The following VPS37A variants were observed in gnomAD, a reference collection of about 807,000 sequenced individuals.
The protein encoded by VPS37A is vacuolar protein sorting-associated protein 37A.
In VPS37A, 30 loss-of-function variants were observed where a neutral mutation model predicts 49.8. That is an observed-to-expected ratio of 0.60 (90% confidence interval 0.45 to 0.82). VPS37A has a LOEUF of 0.82. Ranked by LOEUF, VPS37A falls within the 40% of genes least tolerant of loss-of-function variation. The probability of loss-of-function intolerance (pLI) is 0.00; values close to 1 mark genes in which losing one functional copy is unlikely to be tolerated. For missense variants in VPS37A, 593 were observed against 464.4 expected (o/e 1.28, Z -2.55); for synonymous variants, 195 against 160.6 (o/e 1.21, Z -1.62).
chr8:17,259,506 T>C (rs1812782877), intron 1 of VPS37A, among the ~76,000 whole-genome samples: 1 of 152,162 alleles, frequency 6.6e-6, no homozygotes, highest in Non-Finnish European at 1.5e-5. Flanking sequence ...TGTTCTGTTC[T>C]GGAGAATGTT....
chr8:17,323,109 A>G, the VPS37A span, among the ~76,000 whole-genome samples: 4 of 151,710 alleles, frequency 2.6e-5, no homozygotes, highest in South Asian at 4.2e-4. Flanking sequence ...CACCACGCCC[A>G]GCTAATTTTT....
At chr8:17,281,490 A>C (rs545287555) in intron 9 of VPS37A, among the ~76,000 whole-genome samples, 4 of 152,138 alleles carry the variant, frequency 2.6e-5, no homozygotes, top group African/African-American at 9.6e-5. Flanking sequence ...GTAAACTAAA[A>C]ATAGAAATTT....
downstream of VPS37A, chr8:17,300,285 T>A: frequency 6.7e-7 from 1 of 1,499,436 alleles, no homozygotes; most frequent in South Asian, 1.3e-5. Context: ...TTTCTATATA[T>A]GCATGTCTTT....
chr8:17,286,088 G>C (rs1815559066), intron 10 of VPS37A, among the ~76,000 whole-genome samples: 1 of 152,132 alleles, frequency 6.6e-6, no homozygotes, highest in African/African-American at 2.4e-5. Context: ...CTAAAACAGG[G>C]ACTGGGGTGC....
At chr8:17,309,452 G>A in the VPS37A span, 1 of 688,590 alleles carries the variant, frequency 1.5e-6, no homozygotes, top group Non-Finnish European at 2.6e-6. Context: ...ACCTGCAAAT[G>A]CATGAACAGG....
At chr8:17,313,366 G>A in the VPS37A span, 1 of 1,612,488 alleles carries the variant, frequency 6.2e-7, no homozygotes, top group Admixed American at 1.7e-5. Flanking sequence ...AGACCCCACA[G>A]GAAATCACTC....
chr8:17,247,223 C>T lies in VPS37A; in HGVS notation c.-22C>T. ...AGCAGGCCAGAGCCTTCCAGGGCCT[C>T]CGGCCCGTGGACCCGAGGAGGATGA... On this transcript the variant is annotated 5_prime_UTR_variant, in exon 1 of 12. Coordinates refer to ENST00000324849, the MANE Select transcript of VPS37A (RefSeq NM_152415.3). The T allele has an allele frequency of 1.3e-6, 2 of 1,563,820 alleles. No individual in the cohort carries two copies. Among genetic ancestry groups the T allele is most frequent in the Non-Finnish European group, 8.7e-7 (1 of 1,154,050 alleles).
At position 17,250,559 on chromosome 8, in the gene VPS37A, T is replaced by A. The variant is rs1240826462; in HGVS notation, c.125+3190T>A. ...TGTAAGCTCAATAGGTGAATATCTTTTTTTGGCCATGAAAGTATCTTTTCT... is the reference window on the plus strand; with the variant it reads ...TGTAAGCTCAATAGGTGAATATCTTATTTTGGCCATGAAAGTATCTTTTCT... On this transcript the variant is annotated intron_variant, in intron 1 of 11. Coordinates refer to ENST00000324849, the MANE Select transcript of VPS37A (RefSeq NM_152415.3). 4.6e-5 allele frequency among the ~76,000 whole-genome samples: 7 copies of A among 152,314 alleles called. No individual in the cohort carries two copies. In the East Asian group the frequency reaches 1.2e-3, roughly 25 times the overall value.
chr8:17,305,898 T>C, downstream of VPS37A: 1 of 1,613,762 alleles, frequency 6.2e-7, no homozygotes, highest in Non-Finnish European at 8.5e-7. Context: ...CCAAACACAC[T>C]CAATGAACTG....
At chr8:17,314,665 G>A in the VPS37A span, among the ~76,000 whole-genome samples, 1 of 152,194 alleles carries the variant, frequency 6.6e-6, no homozygotes, top group Non-Finnish European at 1.5e-5. Flanking sequence ...TGACAACAGT[G>A]TTGAAGGAAA....
At chr8:17,311,775 C>T in the VPS37A span, 2 of 1,338,752 alleles carry the variant, frequency 1.5e-6, no homozygotes, top group South Asian at 1.3e-5. Context: ...CTGTTTAGGG[C>T]CCCCCCTAAT....
intron 10 of VPS37A, among the ~76,000 whole-genome samples, chr8:17,285,816 T>C (rs7840160): frequency 0.55 from 84,126 of 152,088 alleles, 26,039 homozygotes; most frequent in African/African-American, 0.83. Context: ...TTTTTAAACA[T>C]AGATATTTAA....
At position 17,268,211 on chromosome 8, in the gene VPS37A, C is replaced by G. The variant is rs753872508; in HGVS notation, c.201-47C>G. On this transcript the variant is annotated intron_variant, in intron 2 of 11. Transcript: ENST00000324849. ...TTTAAGATTTTGACCATATAATGTA[C>G]CTTTGTTATCTTTGTTTTTGTTTTT... 1.2e-4 allele frequency: 157 copies of G among 1,334,708 alleles called. 3 individuals are homozygous for G. The South Asian group carries it at 1.8e-3, about 15-fold the overall frequency. 82.7% of individuals were successfully genotyped at this position (1,334,708 alleles called of 1,614,324 possible).
At chr8:17,316,181 C>G in the VPS37A span, among the ~76,000 whole-genome samples, 1 of 152,090 alleles carries the variant, frequency 6.6e-6, no homozygotes, top group East Asian at 1.9e-4. Context: ...GTTTCCTCAA[C>G]TGTAAAATGG....
downstream of VPS37A, chr8:17,298,714 A>G (rs1370004874): frequency 1.3e-5 from 2 of 152,608 alleles, no homozygotes; most frequent in African/African-American, 4.8e-5. Context: ...ATGTCCAAAC[A>G]TGGCCACTTT....
chr8:17,256,646 A>ATTTATTTG (rs1220589957), intron 1 of VPS37A, among the ~76,000 whole-genome samples: 1 of 149,626 alleles, frequency 6.7e-6, no homozygotes, highest in Non-Finnish European at 1.5e-5. Context: ...TTATTTATTT[A>ATTTATTTG]TTTATTTATT....
In VPS37A at chr8:17,247,179, G is replaced by A. The variant is rs148061382; in HGVS notation, c.-66G>A. ...GCTCCTCTGTCGCTGGAGAACCGCC[G>A]GGCCGAGCCACTGGGAGAAGCAGGC... On this transcript the variant is annotated 5_prime_UTR_variant, in exon 1 of 12. Coordinates refer to ENST00000324849, the MANE Select transcript of VPS37A (RefSeq NM_152415.3). 1.3e-6 allele frequency: 2 copies of A among 1,548,238 alleles called. No homozygotes were observed. Among genetic ancestry groups the A allele is most frequent in the Admixed American group, 2.0e-5 (1 of 50,990 alleles).
At chr8:17,280,344 A>C (rs1035618574) in intron 8 of VPS37A, 31 bp from the exon 9 acceptor site, 12 of 1,602,160 alleles carry the variant, frequency 7.5e-6, no homozygotes, top group Non-Finnish European at 1.0e-5. Flanking sequence ...TTAAAAATAG[A>C]ATAAAACAAC....
downstream of VPS37A, chr8:17,306,026 A>G (rs1817431728): frequency 2.3e-6 from 3 of 1,304,072 alleles, no homozygotes; most frequent in Admixed American, 6.6e-5. Context: ...ATAAATGCAA[A>G]AACAACCATA....
Sources: gnomAD v4.1 joint callset for allele counts (sites outside exome capture counted in the v4.1 genomes callset) on GRCh38, gnomAD v4.1.1 for gene constraint, MANE v1.5 for transcripts, NCBI Gene and HGNC (gene_info 2026-07-23, HGNC 2026-07-21) for gene names.